STIM1: variants seen among roughly 807,000 people sequenced by gnomAD.
The protein encoded by STIM1 is stromal interaction molecule 1.
Under a neutral mutation model 74.7 loss-of-function variants are expected in STIM1, and 25 were observed. That is an observed-to-expected ratio of 0.33 (90% CI 0.24 to 0.47). The LOEUF is 0.47. Among genes scored for constraint, STIM1 ranks in the 20% least tolerant of loss-of-function variants. STIM1 has a pLI of 1.00. For missense variants in STIM1, 728 were observed against 920.8 expected, an observed-to-expected ratio of 0.79 and a Z score of 2.71; for synonymous variants, 328 against 348.8, an observed-to-expected ratio of 0.94 and a Z score of 0.66.
chr11:3,948,540 G>A (rs2093107069), intron 1 of STIM1, among the ~76,000 whole-genome samples: 1 of 152,114 alleles, frequency 6.6e-6, no homozygotes, highest in African/African-American at 2.4e-5. Context: ...CAAAAGGTTA[G>A]ACAACTTTTC....
At chr11:3,892,204 A>G (rs1188990534) in intron 1 of STIM1, among the ~76,000 whole-genome samples, 2 of 151,752 alleles carry the variant, frequency 1.3e-5, no homozygotes, top group East Asian at 1.9e-4. Context: ...TGTTTATTTC[A>G]TAATCATAAA....
chr11:4,000,364 G>A (rs2093703446), intron 2 of STIM1, among the ~76,000 whole-genome samples: 1 of 151,754 alleles, frequency 6.6e-6, no homozygotes, highest in South Asian at 2.1e-4. Context: ...AACTCACATG[G>A]CCAGGTACTC....
chr11:4,014,501 T>C (rs776078995), intron 2 of STIM1, among the ~76,000 whole-genome samples: 1 of 152,216 alleles, frequency 6.6e-6, no homozygotes, highest in Non-Finnish European at 1.5e-5. Flanking sequence ...AAGTGTGATG[T>C]GGTGCTGAGA....
intron 7 of STIM1, among the ~76,000 whole-genome samples, chr11:4,076,633 T>C (rs2094438993): frequency 6.6e-6 from 1 of 151,906 alleles, no homozygotes; most frequent in Admixed American, 6.6e-5. Flanking sequence ...AGGGATATTA[T>C]TTCAAATTAA....
intron 1 of STIM1, among the ~76,000 whole-genome samples, chr11:3,864,041 G>T (rs74050919): frequency 6.6e-6 from 1 of 151,242 alleles, no homozygotes; most frequent in Non-Finnish European, 1.5e-5. Context: ...GTCTCACTTC[G>T]GCTATACCCA....
At chr11:3,963,162 T>G (rs1265478849) in intron 1 of STIM1, among the ~76,000 whole-genome samples, 1 of 152,242 alleles carries the variant, frequency 6.6e-6, no homozygotes, top group East Asian at 1.9e-4. Context: ...ATGGGGTTTG[T>G]TGCACAGATT....
chr11:4,034,475 A>T (rs2094082382), intron 3 of STIM1, among the ~76,000 whole-genome samples: 5 of 152,138 alleles, frequency 3.3e-5, no homozygotes, highest in Non-Finnish European at 7.4e-5. Flanking sequence ...TTCTTGGGAT[A>T]AATCCCCTTG....
At chr11:3,977,196 A>C (rs190690516) in intron 2 of STIM1, among the ~76,000 whole-genome samples, 1 of 152,094 alleles carries the variant, frequency 6.6e-6, no homozygotes, top group Non-Finnish European at 1.5e-5. Context: ...GTGCCCAACA[A>C]AGTCTGTTAT....
At chr11:3,881,511 CAGG>C (rs2091499324) in intron 1 of STIM1, among the ~76,000 whole-genome samples, 1 of 151,142 alleles carries the variant, frequency 6.6e-6, no homozygotes, top group Non-Finnish European at 1.5e-5. Flanking sequence ...GCTGGGACTA[CAGG>C]TGCCCGCCAC....
At chr11:4,091,210 T>C (rs1429102480) in intron 12 of STIM1, 72 bp from the exon 13 acceptor site, 5 of 1,605,426 alleles carry the variant, frequency 3.1e-6, no homozygotes, top group East Asian at 2.2e-5. Context: ...TGTCCCTCTC[T>C]CCTCTTCGCC....
At position 3,936,134 on chromosome 11, in the gene STIM1, A is replaced by G. The variant is rs538471941; in HGVS notation, c.140-31418A>G. 3.8e-4 allele frequency among the ~76,000 whole-genome samples: 58 copies of G among 152,294 alleles called. 1 individual carries two copies. The highest frequency in any genetic ancestry group is 3.4e-3 in the Middle Eastern group (1 of 294). ...ATATAGAACATTTTCATCAGTAGGT[A>G]CTTTTGTTATCCTTATTCTACAAAG... On this transcript the variant is annotated intron_variant, in intron 1 of 12. Transcript: ENST00000526596.
intron 1 of STIM1, among the ~76,000 whole-genome samples, chr11:3,870,245 C>T (rs555671909): frequency 1.3e-5 from 2 of 152,276 alleles, no homozygotes; most frequent in East Asian, 3.9e-4. Flanking sequence ...AGTCTCTTTG[C>T]TTTTTAGCTA....
At chr11:3,973,611 G>T (rs1315007612) in intron 2 of STIM1, among the ~76,000 whole-genome samples, 2 of 152,062 alleles carry the variant, frequency 1.3e-5, no homozygotes. Context: ...TGCTGCCCAG[G>T]CTGGTCTTGA....
intron 3 of STIM1, among the ~76,000 whole-genome samples, chr11:4,050,279 G>A (rs1028593297): frequency 3.0e-4 from 46 of 152,194 alleles, no homozygotes; most frequent in African/African-American, 1.1e-3. Context: ...TTAGCTGAGA[G>A]CAAGGGAGGA....
intron 2 of STIM1, among the ~76,000 whole-genome samples, chr11:4,013,153 G>A (rs951326655): frequency 2.0e-5 from 3 of 152,140 alleles, no homozygotes; most frequent in African/African-American, 7.2e-5. Context: ...TTTTTGCATC[G>A]ATGTTCATCG....
At chr11:4,064,673 A>G (rs2094353944) in intron 5 of STIM1, among the ~76,000 whole-genome samples, 1 of 152,198 alleles carries the variant, frequency 6.6e-6, no homozygotes, top group African/African-American at 2.4e-5. Flanking sequence ...CAGCCTCAGA[A>G]CTTGGGAAGA....
intron 1 of STIM1, among the ~76,000 whole-genome samples, chr11:3,905,740 G>A (rs1471767940): frequency 6.6e-6 from 1 of 152,200 alleles, no homozygotes; most frequent in Non-Finnish European, 1.5e-5. Flanking sequence ...CTAGTTAGTG[G>A]TGGAGCCAGT....
chr11:3,940,251 C>T (rs947429383), intron 1 of STIM1, among the ~76,000 whole-genome samples: 4 of 151,984 alleles, frequency 2.6e-5, no homozygotes, highest in Admixed American at 6.6e-5. Flanking sequence ...CAGAGGAAGC[C>T]GTTGGTGTGA....
chr11:3,886,752 C>G (rs2091725216), intron 1 of STIM1, among the ~76,000 whole-genome samples: 1 of 148,596 alleles, frequency 6.7e-6, no homozygotes, highest in Non-Finnish European at 1.5e-5. Context: ...GCCTGTAATT[C>G]CAGCACTTTG....
Sources: allele counts gnomAD v4.1 joint callset (sites outside exome capture counted in the v4.1 genomes callset), GRCh38; gene constraint gnomAD v4.1.1; transcripts MANE v1.5; gene names NCBI Gene and HGNC (gene_info 2026-07-23, HGNC 2026-07-21).